The following MRPS22 variants were observed in gnomAD, a reference collection of about 807,000 sequenced individuals.
The protein encoded by MRPS22 is small ribosomal subunit protein mS22.
A neutral mutation model predicts 44.0 loss-of-function variants in MRPS22; 30 were observed. That is an observed-to-expected ratio of 0.68 (90% CI 0.51 to 0.93). MRPS22 has a LOEUF of 0.93. Among genes scored for constraint, MRPS22 ranks in the 40% least tolerant of loss-of-function variants. The pLI is 0.00. For synonymous variants in MRPS22, 165 were observed against 154.4 expected (o/e 1.07, Z -0.51); for missense variants, 447 against 447.8 (o/e 1.00, Z 0.02).
intron 1 of MRPS22, 87 bp downstream of exon 1, chr3:139,344,285 C>T: frequency 2.2e-6 from 3 of 1,375,318 alleles, no homozygotes; most frequent in South Asian, 1.2e-5. Flanking sequence ...GCGATAGCCC[C>T]CGCGACACGT....
intron 4 of MRPS22, chr3:139,350,756 C>A: frequency 1.8e-6 from 1 of 568,634 alleles, no homozygotes. Context: ...TTAATAGAAT[C>A]CTCCTTACCA....
rs1941087362 is a variant in MRPS22 at position 139,348,405 on chromosome 3, T to C, written c.504+81T>C. On this transcript the variant is annotated intron_variant, in intron 3 of 7. Transcript: ENST00000680020. ...GGCTTGAGAGATGATGTGACCTGGC[T>C]GTCTCTGATGCGTCCAAACCAGATT... The C allele has an allele frequency of 2.8e-6, 4 of 1,406,766 alleles. 1 individual carries two copies. Among genetic ancestry groups the C allele is most frequent in the Middle Eastern group, 4.4e-4 (2 of 4,564 alleles). The allele number at this position is 1,406,766 out of a possible 1,614,324, so 87.1% of individuals were successfully genotyped here.
At chr3:139,350,787 G>A (rs1465079117) in intron 4 of MRPS22, 190 bp from the exon 5 acceptor site, 1 of 644,714 alleles carries the variant, frequency 1.6e-6, no homozygotes, top group Admixed American at 2.2e-5. Context: ...GTTGTACTAG[G>A]GTTCTCTCAT....
chr3:139,354,166 T>G (rs925344005), intron 6 of MRPS22, among the ~76,000 whole-genome samples: 1 of 152,220 alleles, frequency 6.6e-6, no homozygotes, highest in East Asian at 1.9e-4. Context: ...AGAGGGTGCA[T>G]ATCCTCACTG....
In MRPS22 at chr3:139,348,335, G is replaced by C; in HGVS notation, c.504+11G>C. The C allele has an allele frequency of 6.2e-7, 1 of 1,612,588 alleles. No individual in the cohort carries two copies. The highest frequency in any genetic ancestry group is 8.5e-7 in the Non-Finnish European group (1 of 1,179,026). ...AGCATACCACACCGGGTGAGTATAT[G>C]TCTAATCGCAAAATGATCTTTCTTT... On this transcript the variant is annotated intron_variant, in intron 3 of 7. Coordinates refer to ENST00000680020, the MANE Select transcript of MRPS22 (RefSeq NM_020191.4).
In MRPS22 at chr3:139,352,775, C is replaced by G. The variant is rs1347800670; in HGVS notation, c.861C>G (p.Asp287Glu). ...AAAAGATTGATGGTTTGCTGATTGA[C>G]CAGATTCAGAGAGATTTGTAAGTAT... is the stretch of plus-strand genomic sequence containing the variant. ...NNKKIDGLLIDQIQRDLIDDA... is the reference protein window; with the variant it reads ...NNKKIDGLLIEQIQRDLIDDA... Residue 287 changes from aspartate (D) to glutamate (E), a missense_variant, in exon 6 of 8, where the codon GAC becomes GAG. Asp to Glu is a conservative substitution (Grantham distance 45). Transcript: ENST00000680020. The G allele has an allele frequency of 1.2e-6, 2 of 1,613,226 alleles. No homozygotes were observed. Among genetic ancestry groups the G allele is most frequent in the African/African-American group, 1.3e-5 (1 of 74,886 alleles).
In MRPS22 at chr3:139,344,194, G is replaced by A. The variant is rs901520397; in HGVS notation, c.168G>A (p.Glu56=). Residue 56 remains glutamate (E), a synonymous_variant, in exon 1 of 8, where the codon GAG becomes GAA. Transcript: ENST00000680020. Reference sequence around the variant, plus strand: ...TGCCACGCCGCCGGTTCAGCTCCGAGGCCGGTAAGTGACCTTCCGGACTTT... The same window carrying A: ...TGCCACGCCGCCGGTTCAGCTCCGAAGCCGGTAAGTGACCTTCCGGACTTT... ...MGLPRRRFSS[E]AAESGSPETK... The A allele has an allele frequency of 2.5e-6, 4 of 1,607,262 alleles. No individual in the cohort carries two copies. The highest frequency in any genetic ancestry group is 3.4e-5 in the Admixed American group (2 of 59,250).
At position 139,344,032 on chromosome 3, in the gene MRPS22, G is replaced by T; in HGVS notation, c.6G>T (p.Ala2=). 6.2e-7 allele frequency: 1 copy of T among 1,614,130 alleles called. No individual in the cohort carries two copies. The highest frequency in any genetic ancestry group is 8.5e-7 in the Non-Finnish European group (1 of 1,180,028). The change falls in exon 1 of 8, where the codon GCG becomes GCT. Residue 2 remains alanine (A), a synonymous_variant. Coordinates refer to ENST00000680020, the MANE Select transcript of MRPS22 (RefSeq NM_020191.4). Reference sequence around the variant, plus strand: ...GCAAGTGGCTTCTGATAATCATGGCGCCCCTCGGAACAACTGTATTGCTGT... The same window carrying T: ...GCAAGTGGCTTCTGATAATCATGGCTCCCCTCGGAACAACTGTATTGCTGT... M[A]PLGTTVLLWS...
At chr3:139,348,970 A>G (rs952407592) in intron 3 of MRPS22, 28 of 180,494 alleles carry the variant, frequency 1.6e-4, no homozygotes, top group African/African-American at 6.0e-4. Flanking sequence ...ATAGTTTACA[A>G]TTCAGCCCAC....
At chr3:139,344,704 G>T (rs1332468019) in intron 1 of MRPS22, 1 of 701,138 alleles carries the variant, frequency 1.4e-6, no homozygotes, top group Non-Finnish European at 2.6e-6. Context: ...AGATATTTGG[G>T]AACCCATTTT....
At chr3:139,355,643 A>G in intron 6 of MRPS22, 39 bp from the exon 7 acceptor site, 2 of 1,507,710 alleles carry the variant, frequency 1.3e-6, no homozygotes, top group Non-Finnish European at 1.8e-6. Context: ...AATCAAATGA[A>G]GAAAACCCCT....
At chr3:139,352,583 C>A in intron 5 of MRPS22, 64 bp from the exon 6 acceptor site, 1 of 1,460,590 alleles carries the variant, frequency 6.8e-7, no homozygotes, top group Admixed American at 1.7e-5. Context: ...AATCAGTGTA[C>A]GTTGAATAAT....
chr3:139,349,886 T>C (rs948288390), intron 3 of MRPS22, among the ~76,000 whole-genome samples: 1 of 152,232 alleles, frequency 6.6e-6, no homozygotes, highest in Non-Finnish European at 1.5e-5. Context: ...TCCTCTAAAA[T>C]GGATATAGAT....
At chr3:139,352,072 T>C (rs565073575) in intron 5 of MRPS22, 4 of 154,094 alleles carry the variant, frequency 2.6e-5, no homozygotes, top group African/African-American at 9.6e-5. Flanking sequence ...AAATACTTGA[T>C]TTCTTTTCTG....
intron 3 of MRPS22, among the ~76,000 whole-genome samples, 194 bp from the exon 4 acceptor site, chr3:139,349,985 T>G (rs542098195): frequency 6.6e-6 from 1 of 152,246 alleles, no homozygotes; most frequent in Non-Finnish European, 1.5e-5. Flanking sequence ...GATTGTCAGA[T>G]GCACAGCAGT....
At chr3:139,344,328 C>A in intron 1 of MRPS22, 130 bp downstream of exon 1, 1 of 1,007,780 alleles carries the variant, frequency 9.9e-7, no homozygotes, top group Non-Finnish European at 1.5e-6. Flanking sequence ...AGCTGTCTTC[C>A]TTCTGTACCT....
At chr3:139,346,667 T>C (rs1260922681) in intron 1 of MRPS22, among the ~76,000 whole-genome samples, 1 of 152,256 alleles carries the variant, frequency 6.6e-6, no homozygotes, top group Admixed American at 6.5e-5. Context: ...TCTGTCCTTT[T>C]GGCAGAGACC....
intron 5 of MRPS22, chr3:139,351,991 A>T (rs1941160638): frequency 6.5e-6 from 1 of 153,022 alleles, no homozygotes; most frequent in East Asian, 1.9e-4. Context: ...AGTTAATAAG[A>T]TGGAATGGGC....
intron 4 of MRPS22, 139 bp from the exon 5 acceptor site, chr3:139,350,838 C>G: frequency 1.4e-6 from 1 of 737,720 alleles, no homozygotes; most frequent in African/African-American, 1.7e-5. Context: ...GTGACAATTA[C>G]AAAGCCTGTG....
Sources: gnomAD v4.1 joint callset for allele counts (sites outside exome capture counted in the v4.1 genomes callset) on GRCh38, gnomAD v4.1.1 for gene constraint, MANE v1.5 for transcripts, NCBI Gene and HGNC (gene_info 2026-07-23, HGNC 2026-07-21) for gene names.